MAN2A1: variants seen among roughly 807,000 people sequenced by gnomAD.
MAN2A1 encodes the protein alpha-mannosidase 2.
A neutral mutation model predicts 142.6 loss-of-function variants in MAN2A1; 76 were observed. The observed-to-expected ratio is 0.53, with a 90% confidence interval of 0.44 to 0.65. MAN2A1 has a LOEUF of 0.65. MAN2A1 is among the 30% of genes least tolerant of loss of function. The pLI is 0.00. For missense variants in MAN2A1, 1,311 were observed against 1,365.1 expected (o/e 0.96, Z 0.62); for synonymous variants, 559 against 473.2 (o/e 1.18, Z -2.35).
intron 16 of MAN2A1, among the ~76,000 whole-genome samples, chr5:109,838,351 T>A (rs1362950224): frequency 1.3e-5 from 2 of 152,152 alleles, no homozygotes; most frequent in African/African-American, 4.8e-5. Context: ...TCTTGTAAAG[T>A]GTTAAAGAGA....
chr5:109,699,259 T>A (rs928946101), intron 1 of MAN2A1, among the ~76,000 whole-genome samples: 2 of 152,182 alleles, frequency 1.3e-5, no homozygotes, highest in Admixed American at 6.5e-5. Context: ...TTTTTTTACA[T>A]CAACATACCT....
chr5:109,720,231 T>C (rs2112570859), intron 3 of MAN2A1, among the ~76,000 whole-genome samples: 1 of 152,316 alleles, frequency 6.6e-6, no homozygotes, highest in Admixed American at 6.5e-5. Flanking sequence ...AAATGAACAT[T>C]AGAAAATAAT....
At chr5:109,838,013 G>C (rs1003827098) in intron 16 of MAN2A1, among the ~76,000 whole-genome samples, 26 of 151,722 alleles carry the variant, frequency 1.7e-4, no homozygotes, top group African/African-American at 6.3e-4. Context: ...AAGATGGTGT[G>C]TAAGACAGTC....
chr5:109,826,531 T>G (rs1754765211), intron 16 of MAN2A1, among the ~76,000 whole-genome samples: 1 of 152,184 alleles, frequency 6.6e-6, no homozygotes, highest in Non-Finnish European at 1.5e-5. Context: ...GTATTTGAGC[T>G]CCTCTTAACA....
Position 109,713,693 on chromosome 5 carries a change from G to GC in MAN2A1, c.312dup (p.Ser105LeufsTer8). 6.2e-7 allele frequency: 1 copy of GC among 1,614,148 alleles called. No individual in the cohort carries two copies. Among genetic ancestry groups the GC allele is most frequent in the Non-Finnish European group, 8.5e-7 (1 of 1,180,016 alleles). On this transcript the variant is annotated frameshift_variant, in exon 2 of 22. Coordinates refer to ENST00000261483, the MANE Select transcript of MAN2A1 (RefSeq NM_002372.4). LOFTEE classifies it high-confidence loss of function. Reference sequence around the variant, plus strand: ...GCCAAGGTGCTGGCTCACATCTTCTGCCCTCACAATTATCCCTCTCAGTTG... The same window carrying GC: ...GCCAAGGTGCTGGCTCACATCTTCTGCCCCTCACAATTATCCCTCTCAGTTG...
At chr5:109,819,641 A>T in intron 13 of MAN2A1, 28 bp from the exon 14 acceptor site, 2 of 1,344,972 alleles carry the variant, frequency 1.5e-6, no homozygotes, top group Non-Finnish European at 2.0e-6. Context: ...ATTTATCTTT[A>T]ATAAATTCCC....
At chr5:109,787,958 CA>C (rs1753636806) in intron 10 of MAN2A1, among the ~76,000 whole-genome samples, 1 of 151,784 alleles carries the variant, frequency 6.6e-6, no homozygotes, top group South Asian at 2.1e-4. Flanking sequence ...TAATTAATAA[CA>C]TTGATCATGA....
chr5:109,846,328 C>A (rs560703434), intron 18 of MAN2A1, among the ~76,000 whole-genome samples: 25 of 152,312 alleles, frequency 1.6e-4, no homozygotes, highest in Middle Eastern at 6.8e-3. Context: ...GATGTGGAAA[C>A]TCAGATTCAG....
At chr5:109,820,164 A>C (rs1754585612) in intron 14 of MAN2A1, 56 bp from the exon 15 acceptor site, 2 of 1,443,584 alleles carry the variant, frequency 1.4e-6, no homozygotes, top group Non-Finnish European at 1.9e-6. Flanking sequence ...AACCAGATGC[A>C]ACATGCTTAA....
intron 4 of MAN2A1, among the ~76,000 whole-genome samples, chr5:109,732,814 T>C (rs886495212): frequency 1.3e-5 from 2 of 151,810 alleles, no homozygotes; most frequent in Non-Finnish European, 2.9e-5. Flanking sequence ...CCAGCTTTGT[T>C]CTTTTGGCTT....
rs1752946065 is a variant in MAN2A1 at position 109,764,788 on chromosome 5, C to CT, written c.836-2740dup. ...TGCAGTGTTTGATACTGATTTTTAT[C>CT]TTTTTTTGTAAGCTTATTCTGTCCT... On this transcript the variant is annotated intron_variant, in intron 5 of 21. Transcript: ENST00000261483. 2.0e-5 allele frequency among the ~76,000 whole-genome samples: 3 copies of CT among 152,176 alleles called. No individual in the cohort carries two copies. The South Asian group carries it at 6.2e-4, about 32-fold the overall frequency.
intron 12 of MAN2A1, 29 bp downstream of exon 12, chr5:109,789,556 AC>A: frequency 6.8e-7 from 1 of 1,474,902 alleles, no homozygotes; most frequent in Non-Finnish European, 9.2e-7. Context: ...ACAAATGTTT[AC>A]CACTTTCTGG....
At chr5:109,789,619 A>T in intron 12 of MAN2A1, 92 bp downstream of exon 12, 2 of 802,632 alleles carry the variant, frequency 2.5e-6, no homozygotes, top group Non-Finnish European at 3.8e-6. Flanking sequence ...GTATATTTTG[A>T]GGCAATCAAT....
chr5:109,834,134 T>C (rs759178601), intron 16 of MAN2A1, among the ~76,000 whole-genome samples: 30 of 152,122 alleles, frequency 2.0e-4, no homozygotes, highest in Non-Finnish European at 3.5e-4. Context: ...AGGAGCATGT[T>C]TGGGAAAACA....
At chr5:109,817,615 C>T (rs1339998724) in intron 13 of MAN2A1, among the ~76,000 whole-genome samples, 177 bp downstream of exon 13, 1 of 151,996 alleles carries the variant, frequency 6.6e-6, no homozygotes, top group Non-Finnish European at 1.5e-5. Context: ...GAAAAATGAT[C>T]CTGTGTTCCC....
intron 4 of MAN2A1, among the ~76,000 whole-genome samples, chr5:109,740,511 G>A (rs1752237029): frequency 6.8e-6 from 1 of 147,458 alleles, no homozygotes; most frequent in South Asian, 2.4e-4. Context: ...TTGTGGTCAG[G>A]TGAGGCCAGC....
chr5:109,864,563 C>T (rs767846452), intron 20 of MAN2A1: 3 of 152,814 alleles, frequency 2.0e-5, no homozygotes, highest in Non-Finnish European at 2.9e-5. Flanking sequence ...ATTAAGAATG[C>T]AGTTAGCAAA....
chr5:109,729,025 TA>T (rs1234379699), intron 3 of MAN2A1, among the ~76,000 whole-genome samples: 1 of 113,118 alleles, frequency 8.8e-6, no homozygotes, highest in African/African-American at 4.3e-5. Flanking sequence ...TCCTTAGAGA[TA>T]AAAAATTGAA....
chr5:109,754,925 TG>T (rs1752647168), intron 4 of MAN2A1, among the ~76,000 whole-genome samples: 1 of 143,142 alleles, frequency 7.0e-6, no homozygotes, highest in South Asian at 2.4e-4. Context: ...CGCTTGAACC[TG>T]GGAGGCGGAG....
Sources: gnomAD v4.1 joint callset for allele counts (sites outside exome capture counted in the v4.1 genomes callset) on GRCh38, gnomAD v4.1.1 for gene constraint, MANE v1.5 for transcripts, NCBI Gene and HGNC (gene_info 2026-07-23, HGNC 2026-07-21) for gene names.